The following FOXP1 variants were observed in gnomAD, a reference collection of about 807,000 sequenced individuals.
The protein encoded by FOXP1 is forkhead box protein P1.
A neutral mutation model predicts 98.2 loss-of-function variants in FOXP1; 15 were observed. The ratio of observed to expected loss-of-function variants is 0.15; its 90% confidence interval spans 0.10 to 0.24. FOXP1 has a LOEUF of 0.24. Among genes scored for constraint, FOXP1 ranks in the 10% least tolerant of loss-of-function variants. FOXP1 has a pLI of 1.00. For synonymous variants in FOXP1, 371 were observed against 314.5 expected, an observed-to-expected ratio of 1.18 and a Z score of -1.90; for missense variants, 633 against 848.5, an observed-to-expected ratio of 0.75 and a Z score of 3.15.
chr3:71,238,467 G>T (rs1467028537), intron 5 of FOXP1, among the ~76,000 whole-genome samples: 2 of 152,114 alleles, frequency 1.3e-5, no homozygotes, highest in African/African-American at 2.4e-5. Flanking sequence ...CAAGGAAAGG[G>T]AAGATTCAAG....
chr3:71,266,088 T>C (rs1044259291), intron 5 of FOXP1, among the ~76,000 whole-genome samples: 1 of 151,662 alleles, frequency 6.6e-6, no homozygotes, highest in South Asian at 2.1e-4. Context: ...GCTGCAAAGA[T>C]GGATGAAGAG....
intron 3 of FOXP1, among the ~76,000 whole-genome samples, chr3:71,492,925 A>T (rs1560561581): frequency 6.6e-6 from 1 of 152,182 alleles, no homozygotes; most frequent in Non-Finnish European, 1.5e-5. Flanking sequence ...GATACAAAAA[A>T]ATTTCCAGAA....
At chr3:71,345,209 G>A (rs555381372) in intron 4 of FOXP1, among the ~76,000 whole-genome samples, 47 of 152,068 alleles carry the variant, frequency 3.1e-4, no homozygotes, top group African/African-American at 1.1e-3. Flanking sequence ...CCAACATGGT[G>A]AAACCATGTC....
chr3:71,355,467 A>G (rs2078090478), intron 4 of FOXP1, among the ~76,000 whole-genome samples: 1 of 152,178 alleles, frequency 6.6e-6, no homozygotes, highest in Non-Finnish European at 1.5e-5. Flanking sequence ...TAAGGGGTTG[A>G]TTTTTGAACT....
At chr3:71,315,655 G>T (rs1454779298) in intron 4 of FOXP1, among the ~76,000 whole-genome samples, 4 of 152,142 alleles carry the variant, frequency 2.6e-5, no homozygotes, top group African/African-American at 9.7e-5. Context: ...CACACAGGTG[G>T]TGGGGACGAA....
intron 3 of FOXP1, among the ~76,000 whole-genome samples, chr3:71,385,498 C>A (rs2080501146): frequency 6.6e-6 from 1 of 152,190 alleles, no homozygotes; most frequent in Admixed American, 6.5e-5. Flanking sequence ...TGGGGAGAGA[C>A]TGACGCCTAC....
intron 2 of FOXP1, among the ~76,000 whole-genome samples, chr3:71,559,501 T>C (rs888147685): frequency 6.6e-6 from 1 of 152,128 alleles, no homozygotes; most frequent in African/African-American, 2.4e-5. Flanking sequence ...AAAGCAAGAA[T>C]GGCCAACCAG....
At chr3:71,530,164 TAATC>T (rs2107528241) in intron 2 of FOXP1, among the ~76,000 whole-genome samples, 1 of 152,318 alleles carries the variant, frequency 6.6e-6, no homozygotes, top group Non-Finnish European at 1.5e-5. Flanking sequence ...CGTAGAATCT[TAATC>T]CCCAGTGCAA....
At chr3:71,067,944 AT>A (rs1430690391) in intron 7 of FOXP1, among the ~76,000 whole-genome samples, 3 of 142,668 alleles carry the variant, frequency 2.1e-5, no homozygotes, top group African/African-American at 7.6e-5. Flanking sequence ...TAAAAAAAAA[AT>A]ATATACTACA....
chr3:71,146,509 A>C (rs547424062), intron 6 of FOXP1, among the ~76,000 whole-genome samples: 1 of 152,200 alleles, frequency 6.6e-6, no homozygotes, highest in South Asian at 2.1e-4. Context: ...AGAGCAAAAA[A>C]ATAAAAAATA....
chr3:71,130,724 T>C, intron 6 of FOXP1: 6 of 1,512,284 alleles, frequency 4.0e-6, no homozygotes, highest in Non-Finnish European at 5.3e-6. Context: ...GCCTCCACAG[T>C]AGCTGGCTGG....
intron 3 of FOXP1, among the ~76,000 whole-genome samples, chr3:71,396,912 ATGTG>A (rs148361921): frequency 1.8e-5 from 1 of 57,056 alleles, no homozygotes. Flanking sequence ...GAACATATAT[ATGTG>A]TGTATATATA....
At chr3:71,515,405 C>T (rs1459799909) in intron 2 of FOXP1, among the ~76,000 whole-genome samples, 1 of 115,998 alleles carries the variant, frequency 8.6e-6, no homozygotes, top group Non-Finnish European at 1.7e-5. Context: ...ATGGTATACG[C>T]ATTTCCCTTT....
chr3:71,149,719 TTC>T (rs1416423261), intron 6 of FOXP1, among the ~76,000 whole-genome samples: 3 of 152,210 alleles, frequency 2.0e-5, no homozygotes, highest in Non-Finnish European at 4.4e-5. Context: ...TAAAATCAGA[TTC>T]TGTTAAAACT....
At chr3:70,989,807 G>A (rs977668241) in intron 13 of FOXP1, among the ~76,000 whole-genome samples, 4 of 152,078 alleles carry the variant, frequency 2.6e-5, no homozygotes, top group Non-Finnish European at 5.9e-5. Context: ...CTTAATTTGG[G>A]GGTAAACGTT....
At chr3:71,237,439 G>A (rs1419893586) in intron 5 of FOXP1, among the ~76,000 whole-genome samples, 1 of 151,862 alleles carries the variant, frequency 6.6e-6, no homozygotes, top group South Asian at 2.1e-4. Context: ...CACGCTTCCA[G>A]GGCTCAAGAG....
chr3:71,348,644 C>T (rs184496549), intron 4 of FOXP1, among the ~76,000 whole-genome samples: 1 of 151,812 alleles, frequency 6.6e-6, no homozygotes, highest in African/African-American at 2.4e-5. Flanking sequence ...ATAAGTCACA[C>T]ATGCAGGTGT....
intron 3 of FOXP1, among the ~76,000 whole-genome samples, chr3:71,457,750 C>T (rs1332470712): frequency 1.3e-5 from 2 of 152,182 alleles, no homozygotes; most frequent in African/African-American, 4.8e-5. Flanking sequence ...CTGACATGCA[C>T]AATCAAAGCA....
At chr3:71,387,168 C>G (rs375429201) in intron 3 of FOXP1, among the ~76,000 whole-genome samples, 2 of 152,150 alleles carry the variant, frequency 1.3e-5, no homozygotes, top group African/African-American at 4.8e-5. Context: ...TTATTTCTTT[C>G]GACACTTTAT....
Sources: allele counts gnomAD v4.1 joint callset (sites outside exome capture counted in the v4.1 genomes callset), GRCh38; gene constraint gnomAD v4.1.1; transcripts MANE v1.5; gene names NCBI Gene and HGNC (gene_info 2026-07-23, HGNC 2026-07-21).